Variants in LEKR1 observed in about 807,000 individuals in gnomAD.
The protein encoded by LEKR1 is leucine, glutamate and lysine rich 1.
Under a neutral mutation model 72.4 loss-of-function variants are expected in LEKR1, and 59 were observed. The observed-to-expected ratio is 0.82, with a 90% CI of 0.66 to 1.01. The LOEUF (loss-of-function observed/expected upper bound fraction) is 1.01. LEKR1 is among the 50% of genes least tolerant of loss of function. The pLI is 0.00. For missense variants in LEKR1, 728 were observed against 759.2 expected, an observed-to-expected ratio of 0.96 and a Z score of 0.48; for synonymous variants, 257 against 263.2, an observed-to-expected ratio of 0.98 and a Z score of 0.23.
intron 3 of LEKR1, among the ~76,000 whole-genome samples, chr3:156,879,616 G>C (rs930556203): frequency 2.6e-5 from 4 of 152,280 alleles, no homozygotes; most frequent in African/African-American, 9.6e-5. Context: ...CAAGACAATG[G>C]GAAAATGTTT....
intron 5 of LEKR1, among the ~76,000 whole-genome samples, chr3:156,939,857 A>G (rs1399989934): frequency 6.6e-6 from 1 of 152,192 alleles, no homozygotes; most frequent in Non-Finnish European, 1.5e-5. Context: ...ATAGTTGTTG[A>G]ACTTTTAAAA....
intron 9 of LEKR1, among the ~76,000 whole-genome samples, chr3:157,002,298 C>G (rs1011318037): frequency 6.6e-6 from 1 of 152,068 alleles, no homozygotes; most frequent in African/African-American, 2.4e-5. Context: ...CTCTAAATTT[C>G]TAGCAAAAAG....
intron 3 of LEKR1, among the ~76,000 whole-genome samples, chr3:156,869,768 TAA>T (rs1717710316): frequency 6.6e-6 from 1 of 152,016 alleles, no homozygotes; most frequent in South Asian, 2.1e-4. Flanking sequence ...GTCTTAGCTA[TAA>T]AGTCTCTGCC....
At position 157,030,107 on chromosome 3, in the gene LEKR1, A is replaced by G. The variant is rs182853217; in HGVS notation, c.1668+1705A>G. Among the ~76,000 whole-genome samples, 604 of 152,282 alleles carry G rather than the reference A, an allele frequency of 4.0e-3. 2 individuals carry two copies. Among genetic ancestry groups the G allele is most frequent in the Middle Eastern group, 0.017 (5 of 294 alleles). On this transcript the variant is annotated intron_variant, in intron 12 of 12. Transcript: ENST00000356539. ...CTTAGGAAGCTTACAATCATGGCGG[A>G]AGGTGAAGGAGAAGCCAGTGCATCA...
At chr3:156,855,173 G>A (rs561690645) in intron 3 of LEKR1, among the ~76,000 whole-genome samples, 1 of 152,172 alleles carries the variant, frequency 6.6e-6, no homozygotes, top group South Asian at 2.1e-4. Context: ...TCTAGAAGTG[G>A]AACTACTGAA....
chr3:157,021,812 T>C (rs1733855308), intron 10 of LEKR1, among the ~76,000 whole-genome samples: 2 of 152,270 alleles, frequency 1.3e-5, no homozygotes, highest in South Asian at 4.1e-4. Flanking sequence ...GAACTATTAA[T>C]GCTTATATTA....
At chr3:157,013,772 A>T (rs1244642531) in intron 10 of LEKR1, among the ~76,000 whole-genome samples, 1 of 152,140 alleles carries the variant, frequency 6.6e-6, no homozygotes, top group Admixed American at 6.6e-5. Flanking sequence ...AGAATCATTA[A>T]TATGACATTT....
At chr3:156,839,650 T>G (rs1212496142) in intron 2 of LEKR1, among the ~76,000 whole-genome samples, 2 of 152,052 alleles carry the variant, frequency 1.3e-5, no homozygotes, top group East Asian at 3.9e-4. Context: ...TGGAGATGAT[T>G]TTTTTTTCTG....
intron 9 of LEKR1, among the ~76,000 whole-genome samples, chr3:157,003,240 A>T (rs1732148124): frequency 6.6e-6 from 1 of 152,204 alleles, no homozygotes; most frequent in Non-Finnish European, 1.5e-5. Flanking sequence ...AACCAGGTGA[A>T]GTGCTACTTT....
At chr3:156,963,761 G>T (rs1728324217) in intron 6 of LEKR1, among the ~76,000 whole-genome samples, 1 of 152,118 alleles carries the variant, frequency 6.6e-6, no homozygotes, top group Non-Finnish European at 1.5e-5. Context: ...AAATTACTAA[G>T]GCCTAGAGGA....
chr3:156,911,999 C>G (rs1443328800), intron 3 of LEKR1, among the ~76,000 whole-genome samples: 1 of 151,658 alleles, frequency 6.6e-6, no homozygotes, highest in African/African-American at 2.4e-5. Context: ...TTTTTTTATT[C>G]CATGTAAATT....
chr3:157,024,649 A>G (rs1577012654), intron 10 of LEKR1, 111 bp from the exon 11 acceptor site: 1 of 846,878 alleles, frequency 1.2e-6, no homozygotes, highest in East Asian at 2.9e-5. Flanking sequence ...AAAATAGTTT[A>G]ATTAAAAATT....
At chr3:156,858,654 G>A (rs1056924269) in intron 3 of LEKR1, among the ~76,000 whole-genome samples, 1 of 150,050 alleles carries the variant, frequency 6.7e-6, no homozygotes, top group African/African-American at 2.5e-5. Flanking sequence ...CAGCCTGGAT[G>A]GCAGAGCGAG....
At chr3:156,880,450 T>G (rs989836359) in intron 3 of LEKR1, among the ~76,000 whole-genome samples, 56 of 152,182 alleles carry the variant, frequency 3.7e-4, no homozygotes, top group African/African-American at 1.3e-3. Flanking sequence ...ACTAAACCAG[T>G]AAGAAGTTGA....
intron 4 of LEKR1, among the ~76,000 whole-genome samples, chr3:156,921,414 A>G (rs1386175593): frequency 6.6e-6 from 1 of 152,136 alleles, no homozygotes; most frequent in Non-Finnish European, 1.5e-5. Context: ...AATATTCTGA[A>G]TAAATTTCTG....
chr3:156,945,602 T>C (rs950787009), intron 6 of LEKR1, among the ~76,000 whole-genome samples: 6 of 151,946 alleles, frequency 3.9e-5, no homozygotes, highest in Middle Eastern at 3.4e-3. Context: ...TTTAAATATT[T>C]AATCCATTGT....
chr3:157,027,348 C>G (rs1056312499), intron 11 of LEKR1, among the ~76,000 whole-genome samples: 2 of 151,776 alleles, frequency 1.3e-5, no homozygotes, highest in African/African-American at 4.8e-5. Context: ...GGAGTTCCTC[C>G]AGCCATTATA....
chr3:157,034,721 A>G (rs1397362094), intron 12 of LEKR1, among the ~76,000 whole-genome samples: 2 of 152,248 alleles, frequency 1.3e-5, no homozygotes, highest in Non-Finnish European at 2.9e-5. Context: ...TGCGGGTAAA[A>G]TGCTGTCAAA....
intron 12 of LEKR1, among the ~76,000 whole-genome samples, chr3:157,037,005 T>G (rs538615357): frequency 6.6e-6 from 1 of 152,270 alleles, no homozygotes. Context: ...GTGCATATGC[T>G]TATATACTAT....
Sources: allele counts gnomAD v4.1 joint callset (sites outside exome capture counted in the v4.1 genomes callset), GRCh38; gene constraint gnomAD v4.1.1; transcripts MANE v1.5; gene names NCBI Gene and HGNC (gene_info 2026-07-23, HGNC 2026-07-21).